Variants in SBF2 observed in about 807,000 individuals in gnomAD.
SBF2 encodes the protein myotubularin-related protein 13.
A neutral mutation model predicts 225.2 loss-of-function variants in SBF2; 112 were observed. That is an observed-to-expected ratio of 0.50 (90% confidence interval 0.43 to 0.58). The LOEUF is 0.58. SBF2 is among the 20% of genes least tolerant of loss of function. The probability of loss-of-function intolerance (pLI) is 0.00; values close to 1 mark genes in which losing one functional copy is unlikely to be tolerated. For synonymous variants in SBF2, 763 were observed against 773.3 expected, an observed-to-expected ratio of 0.99 and a Z score of 0.22; for missense variants, 1,996 against 2,206.2, an observed-to-expected ratio of 0.90 and a Z score of 1.91.
intron 1 of SBF2, among the ~76,000 whole-genome samples, chr11:10,248,022 T>C (rs1448014789): frequency 6.6e-6 from 1 of 152,216 alleles, no homozygotes; most frequent in African/African-American, 2.4e-5. Flanking sequence ...GCAGGTCAGA[T>C]ATTAAGTTTG....
At chr11:10,085,825 C>A (rs1240949413) in intron 2 of SBF2, among the ~76,000 whole-genome samples, 1 of 151,994 alleles carries the variant, frequency 6.6e-6, no homozygotes, top group Non-Finnish European at 1.5e-5. Context: ...TGTCTTTCAT[C>A]TTGACCCTCC....
Position 9,852,741 on chromosome 11 carries a change from C to T in SBF2, c.2545G>A (p.Ala849Thr). ...GCTTCTAGGGTCTCAATGTGCATAG[C>T]TACAATTCCTAGGATGAGTCAGAGT... ...SLHCMIPGIV[A>T]MHIETLEAVH... is the part of the protein sequence containing the mutation. The change falls in exon 21 of 40, where the codon GCT (alanine) becomes ACT (threonine). Residue 849 changes from alanine (A) to threonine (T), a missense_variant. Coordinates refer to ENST00000256190, the MANE Select transcript of SBF2 (RefSeq NM_030962.4). 6 of 1,610,068 alleles carry T rather than the reference C, an allele frequency of 3.7e-6. No homozygotes were observed. The highest frequency in any genetic ancestry group is 5.1e-6 in the Non-Finnish European group (6 of 1,176,492).
intron 16 of SBF2, among the ~76,000 whole-genome samples, chr11:9,939,270 C>A (rs113518950): frequency 0.014 from 2,056 of 151,984 alleles, 45 homozygotes; most frequent in East Asian, 0.08. Context: ...TAATTTTTTT[C>A]TATTTTAAGT....
intron 1 of SBF2, among the ~76,000 whole-genome samples, chr11:10,282,482 C>T (rs1259919118): frequency 6.6e-6 from 1 of 152,130 alleles, no homozygotes; most frequent in East Asian, 1.9e-4. Context: ...ACATCTCTAC[C>T]TTGATTATAG....
intron 1 of SBF2, among the ~76,000 whole-genome samples, chr11:10,230,934 C>T (rs939880080): frequency 3.3e-5 from 5 of 152,190 alleles, no homozygotes; most frequent in Admixed American, 6.6e-5. Context: ...CTCCCCGTCA[C>T]TTTCAGGTAC....
intron 17 of SBF2, among the ~76,000 whole-genome samples, chr11:9,878,300 G>A (rs1187180497): frequency 6.6e-6 from 1 of 152,084 alleles, no homozygotes; most frequent in Admixed American, 6.6e-5. Flanking sequence ...TTAGTCCTTT[G>A]TCAGATGAGC....
intron 36 of SBF2, among the ~76,000 whole-genome samples, chr11:9,786,066 C>A (rs558021889): frequency 5.9e-5 from 9 of 152,198 alleles, no homozygotes; most frequent in African/African-American, 2.2e-4. Context: ...CAGAGTTTCA[C>A]CATGCTGGCT....
chr11:10,054,282 T>A (rs1042046902), intron 2 of SBF2, among the ~76,000 whole-genome samples: 1 of 152,194 alleles, frequency 6.6e-6, no homozygotes, highest in Non-Finnish European at 1.5e-5. Context: ...ACAAACTGAC[T>A]AAACACTGTT....
chr11:10,136,237 A>G (rs987022307), intron 2 of SBF2, among the ~76,000 whole-genome samples: 1 of 152,078 alleles, frequency 6.6e-6, no homozygotes, highest in African/African-American at 2.4e-5. Context: ...CCAACAACAC[A>G]TGGGAATTAT....
chr11:10,057,515 C>T (rs527978236), intron 2 of SBF2, among the ~76,000 whole-genome samples: 91 of 152,268 alleles, frequency 6.0e-4, no homozygotes, highest in Non-Finnish European at 9.9e-4. Flanking sequence ...GGGCCCACAG[C>T]GCAAACTCTC....
intron 16 of SBF2, among the ~76,000 whole-genome samples, chr11:9,948,092 T>C (rs2134316543): frequency 6.6e-6 from 1 of 151,984 alleles, no homozygotes; most frequent in South Asian, 2.1e-4. Context: ...TACAATGGAA[T>C]ATTATTTAGC....
intron 16 of SBF2, among the ~76,000 whole-genome samples, chr11:9,929,789 C>T (rs567373694): frequency 6.6e-6 from 1 of 152,312 alleles, no homozygotes; most frequent in East Asian, 1.9e-4. Context: ...CTTCCACAAC[C>T]AGCAGGATGC....
chr11:9,904,463 G>T (rs1861967798), intron 16 of SBF2, among the ~76,000 whole-genome samples: 1 of 151,976 alleles, frequency 6.6e-6, no homozygotes, highest in Non-Finnish European at 1.5e-5. Flanking sequence ...AGCAAAAACT[G>T]ACAGATGTAA....
chr11:10,142,739 T>A (rs965902234), intron 2 of SBF2, among the ~76,000 whole-genome samples: 7 of 152,206 alleles, frequency 4.6e-5, no homozygotes, highest in Non-Finnish European at 1.0e-4. Context: ...AGGCTATAAT[T>A]CTATAAAACC....
intron 16 of SBF2, among the ~76,000 whole-genome samples, chr11:9,898,402 G>A (rs560322419): frequency 6.6e-6 from 1 of 152,290 alleles, no homozygotes; most frequent in South Asian, 2.1e-4. Context: ...TGGGCACGGT[G>A]GTTCACACCT....
At chr11:9,927,874 G>A (rs1864174069) in intron 16 of SBF2, among the ~76,000 whole-genome samples, 1 of 152,144 alleles carries the variant, frequency 6.6e-6, no homozygotes, top group Admixed American at 6.5e-5. Flanking sequence ...AATTCAGTGA[G>A]TAAACAAATG....
Position 10,239,347 on chromosome 11 carries a change from T to C in SBF2, c.56-45360A>G, listed in dbSNP as rs142311954. ...CTAAGATAAATAGAAAATTGCCATA[T>C]ACTTGGAAATTTTAAAATATGCTCC... is the stretch of plus-strand genomic sequence containing the variant. On this transcript the variant is annotated intron_variant, in intron 1 of 39. Coordinates refer to ENST00000256190, the MANE Select transcript of SBF2 (RefSeq NM_030962.4). Among the ~76,000 whole-genome samples the C allele has an allele frequency of 2.9e-3, 439 of 150,848 alleles. 13 individuals are homozygous for C. Among genetic ancestry groups the C allele is most frequent in the African/African-American group, 0.01 (420 of 41,396 alleles).
chr11:10,181,904 A>G (rs1190349139), intron 2 of SBF2, among the ~76,000 whole-genome samples: 4 of 152,136 alleles, frequency 2.6e-5, no homozygotes, highest in Non-Finnish European at 5.9e-5. Flanking sequence ...ATAAATACAC[A>G]TATGTGTTTA....
At chr11:10,151,300 C>T (rs900513868) in intron 2 of SBF2, among the ~76,000 whole-genome samples, 8 of 152,114 alleles carry the variant, frequency 5.3e-5, no homozygotes, top group African/African-American at 9.7e-5. Context: ...CATCTTTTTT[C>T]GCTGATTAGG....
Sources: gnomAD v4.1 joint callset for allele counts (sites outside exome capture counted in the v4.1 genomes callset) on GRCh38, gnomAD v4.1.1 for gene constraint, MANE v1.5 for transcripts, NCBI Gene and HGNC (gene_info 2026-07-23, HGNC 2026-07-21) for gene names.